The following MOB3B variants were observed in gnomAD, a reference collection of about 807,000 sequenced individuals.
The protein encoded by MOB3B is MOB kinase activator-like 2B.
MOB3B carries 7 observed loss-of-function variants against 18.7 expected under a neutral mutation model. The observed-to-expected ratio is 0.37, with a 90% CI of 0.21 to 0.70. The LOEUF (loss-of-function observed/expected upper bound fraction) is 0.70. MOB3B is among the 30% of genes least tolerant of loss of function. The pLI is 0.52. For synonymous variants in MOB3B, 111 were observed against 99.9 expected, an observed-to-expected ratio of 1.11 and a Z score of -0.66; for missense variants, 253 against 281.3, an observed-to-expected ratio of 0.90 and a Z score of 0.72.
chr9:27,468,795 C>T (rs1180296378), intron 1 of MOB3B, among the ~76,000 whole-genome samples: 1 of 152,132 alleles, frequency 6.6e-6, no homozygotes. Flanking sequence ...AGGACTAGGC[C>T]CCCATAATCA....
intron 1 of MOB3B, chr9:27,524,571 A>T: frequency 6.2e-7 from 1 of 1,614,092 alleles, no homozygotes; most frequent in Non-Finnish European, 8.5e-7. Flanking sequence ...CACCCAACCT[A>T]TGAAGAGGGA....
intron 1 of MOB3B, among the ~76,000 whole-genome samples, chr9:27,509,228 A>C (rs1219762678): frequency 6.6e-6 from 1 of 152,178 alleles, no homozygotes; most frequent in African/African-American, 2.4e-5. Context: ...TGTAACTTTC[A>C]TAGTTCCAAT....
At chr9:27,338,971 T>C (rs1436672172) in intron 3 of MOB3B, among the ~76,000 whole-genome samples, 1 of 152,080 alleles carries the variant, frequency 6.6e-6, no homozygotes, top group Non-Finnish European at 1.5e-5. Context: ...AGAGTGAGGG[T>C]GAGTCCAGGG....
At position 27,529,757 on chromosome 9, in the gene MOB3B, G is replaced by C. The variant is rs1005690088; in HGVS notation, c.-401C>G. 1 of 985,308 alleles carries C rather than the reference G, an allele frequency of 1.0e-6. No homozygotes were observed. The highest frequency in any genetic ancestry group is 1.7e-5 in the African/African-American group (1 of 57,244). The allele number at this position is 985,308 out of a possible 1,614,324, so 61.0% of individuals were successfully genotyped here. On this transcript the variant is annotated 5_prime_UTR_variant, in exon 1 of 4. Coordinates refer to ENST00000262244, the MANE Select transcript of MOB3B (RefSeq NM_024761.5). Reference sequence around the variant, plus strand: ...CCTGGCTCCAGCTGCAGCCGCCGTCGCTCCGGAGCAGCCCCCTCATGCACC... The same window carrying C: ...CCTGGCTCCAGCTGCAGCCGCCGTCCCTCCGGAGCAGCCCCCTCATGCACC...
At chr9:27,357,258 A>AC (rs916790840) in intron 3 of MOB3B, among the ~76,000 whole-genome samples, 13 of 149,466 alleles carry the variant, frequency 8.7e-5, no homozygotes, top group African/African-American at 3.0e-4. Flanking sequence ...CAGGTACTGT[A>AC]CTGTATTAAA....
At chr9:27,466,458 A>T (rs1819383953) in intron 1 of MOB3B, among the ~76,000 whole-genome samples, 1 of 151,852 alleles carries the variant, frequency 6.6e-6, no homozygotes, top group African/African-American at 2.4e-5. Context: ...CATTGTTCCA[A>T]CCTCTGCCTG....
At chr9:27,453,573 CCT>C (rs1456111374) in intron 2 of MOB3B, among the ~76,000 whole-genome samples, 1 of 152,072 alleles carries the variant, frequency 6.6e-6, no homozygotes, top group Admixed American at 6.6e-5. Flanking sequence ...CCAGAAACTT[CCT>C]CTCTCTCAAG....
chr9:27,349,353 T>C (rs914367110), intron 3 of MOB3B, among the ~76,000 whole-genome samples: 1 of 152,132 alleles, frequency 6.6e-6, no homozygotes, highest in Non-Finnish European at 1.5e-5. Flanking sequence ...GTGGGACAGG[T>C]GGGTGGTGGG....
intron 2 of MOB3B, among the ~76,000 whole-genome samples, chr9:27,393,935 C>T (rs1821764397): frequency 6.6e-6 from 1 of 152,158 alleles, no homozygotes; most frequent in African/African-American, 2.4e-5. Flanking sequence ...ATTGAACACT[C>T]ATGAGTGTTC....
chr9:27,506,675 C>T lies in MOB3B; in HGVS notation c.-199+22880G>A, dbSNP rs189830970. Among the ~76,000 whole-genome samples, 410 of 151,956 alleles carry T rather than the reference C, an allele frequency of 2.7e-3. 1 individual carries two copies. Among genetic ancestry groups the T allele is most frequent in the Non-Finnish European group, 4.8e-3 (329 of 67,930 alleles). Reference sequence around the variant, plus strand: ...CCTCCCAAGTAGCTGGGATTACAGGCACCCGCCACCACGCCCGGCTAATTT... The same window carrying T: ...CCTCCCAAGTAGCTGGGATTACAGGTACCCGCCACCACGCCCGGCTAATTT... On this transcript the variant is annotated intron_variant, in intron 1 of 3. Coordinates refer to ENST00000262244, the MANE Select transcript of MOB3B (RefSeq NM_024761.5).
At chr9:27,350,235 C>CAA (rs34779449) in intron 3 of MOB3B, among the ~76,000 whole-genome samples, 15 of 66,848 alleles carry the variant, frequency 2.2e-4, no homozygotes, top group African/African-American at 5.4e-4. Flanking sequence ...AAGTATATAC[C>CAA]AAAAAAAAAA....
At chr9:27,451,837 T>C (rs1279375454) in intron 2 of MOB3B, among the ~76,000 whole-genome samples, 2 of 152,082 alleles carry the variant, frequency 1.3e-5, no homozygotes, top group Non-Finnish European at 2.9e-5. Flanking sequence ...AGAAGAAAAG[T>C]AGGCTGGAGT....
At chr9:27,348,980 G>A (rs1821069731) in intron 3 of MOB3B, among the ~76,000 whole-genome samples, 1 of 152,212 alleles carries the variant, frequency 6.6e-6, no homozygotes, top group African/African-American at 2.4e-5. Context: ...ACAATGGCCT[G>A]GGGGTGAGAG....
chr9:27,455,102 C>T, intron 2 of MOB3B, 31 bp downstream of exon 2: 2 of 1,612,578 alleles, frequency 1.2e-6, no homozygotes, highest in South Asian at 1.1e-5. Flanking sequence ...GTGCAGGTGA[C>T]AAAAAAACTG....
chr9:27,384,517 C>T (rs1272559733), intron 2 of MOB3B, among the ~76,000 whole-genome samples: 1 of 152,186 alleles, frequency 6.6e-6, no homozygotes, highest in Admixed American at 6.5e-5. Flanking sequence ...GGCCATTTGA[C>T]AGCAAAATCA....
intron 2 of MOB3B, among the ~76,000 whole-genome samples, chr9:27,454,690 T>A (rs1003489974): frequency 6.6e-6 from 1 of 152,264 alleles, no homozygotes; most frequent in Admixed American, 6.5e-5. Flanking sequence ...CCTCAGAATT[T>A]GAACCCCCAG....
intron 1 of MOB3B, among the ~76,000 whole-genome samples, chr9:27,509,812 C>A (rs1045663524): frequency 1.3e-5 from 2 of 152,128 alleles, no homozygotes; most frequent in Non-Finnish European, 2.9e-5. Flanking sequence ...GCAACCTCCA[C>A]CTCCTGGGTT....
At chr9:27,376,261 G>A (rs184188730) in intron 2 of MOB3B, among the ~76,000 whole-genome samples, 7 of 152,298 alleles carry the variant, frequency 4.6e-5, no homozygotes, top group African/African-American at 1.2e-4. Flanking sequence ...TTGACAGTTG[G>A]TCCTGACAAT....
In MOB3B at chr9:27,326,576, G is replaced by T. The variant is rs1369384346; in HGVS notation, c.*4011C>A. On this transcript the variant is annotated 3_prime_UTR_variant, in exon 4 of 4. Transcript: ENST00000262244. ...TTTCCATGCCCGAAGAACTGTGAGA[G>T]GAGTATAGATTTTTTCACCAAGGAA... 2.5e-6 allele frequency: 1 copy of T among 398,358 alleles called. No individual in the cohort carries two copies. The highest frequency in any genetic ancestry group is 4.4e-6 in the Non-Finnish European group (1 of 226,046). 24.7% of individuals were successfully genotyped at this position (398,358 alleles called of 1,614,324 possible). A position where few individuals can be genotyped will look rare whatever the true frequency, so the allele number is the denominator to read the frequency against.
Sources: allele counts gnomAD v4.1 joint callset (sites outside exome capture counted in the v4.1 genomes callset), GRCh38; gene constraint gnomAD v4.1.1; transcripts MANE v1.5; gene names NCBI Gene and HGNC (gene_info 2026-07-23, HGNC 2026-07-21).